CACNA1C: variants seen among roughly 807,000 people sequenced by gnomAD.
CACNA1C encodes voltage-dependent L-type calcium channel subunit alpha-1C.
A neutral mutation model predicts 229.0 loss-of-function variants in CACNA1C; 30 were observed. That is an observed-to-expected ratio of 0.13 (90% CI 0.10 to 0.18). The LOEUF (loss-of-function observed/expected upper bound fraction) is 0.18, where lower values mean the gene tolerates loss of function less well. Ranked by LOEUF, CACNA1C falls within the 10% of genes least tolerant of loss-of-function variation. CACNA1C has a pLI of 1.00. For synonymous variants in CACNA1C, 1,114 were observed against 1,132.5 expected (o/e 0.98, Z 0.33); for missense variants, 1,658 against 2,845.0 (o/e 0.58, Z 9.49).
chr12:2,444,675 G>A (rs953737924), intron 3 of CACNA1C, among the ~76,000 whole-genome samples: 2 of 152,124 alleles, frequency 1.3e-5, no homozygotes, highest in Admixed American at 6.5e-5. Flanking sequence ...GTCCCCTGCT[G>A]CAGTGAGAGG....
chr12:1,983,930 A>T (rs947364935), intron 1 of CACNA1C, among the ~76,000 whole-genome samples: 2 of 152,006 alleles, frequency 1.3e-5, no homozygotes, highest in African/African-American at 4.8e-5. Context: ...CATACACATT[A>T]ATAATTATTA....
intron 3 of CACNA1C, among the ~76,000 whole-genome samples, chr12:2,379,256 C>T (rs1406152776): frequency 6.6e-6 from 1 of 152,148 alleles, no homozygotes; most frequent in Non-Finnish European, 1.5e-5. Context: ...TGTGCGTGCT[C>T]TGACATGCAG....
At chr12:1,988,692 C>G (rs111504745) in intron 1 of CACNA1C, among the ~76,000 whole-genome samples, 4,159 of 152,220 alleles carry the variant, frequency 0.027, 93 homozygotes, top group Middle Eastern at 0.054. Flanking sequence ...ACTCTGCCAT[C>G]GTTTACCCAA....
At chr12:2,428,625 T>C (rs2099054585) in intron 3 of CACNA1C, among the ~76,000 whole-genome samples, 1 of 152,208 alleles carries the variant, frequency 6.6e-6, no homozygotes, top group Non-Finnish European at 1.5e-5. Flanking sequence ...GGGCCAGGCA[T>C]GTATCTCCCT....
intron 3 of CACNA1C, among the ~76,000 whole-genome samples, chr12:2,188,949 C>T (rs559520565): frequency 3.9e-5 from 6 of 152,014 alleles, no homozygotes; most frequent in East Asian, 1.9e-4. Flanking sequence ...AAAAATTAGC[C>T]GGCCGTGGTG....
At chr12:2,457,418 C>A in intron 4 of CACNA1C, 149 bp from the exon 5 acceptor site, 1 of 716,468 alleles carries the variant, frequency 1.4e-6, no homozygotes, top group Non-Finnish European at 2.2e-6. Context: ...TACAACCACC[C>A]ACAGACTCCA....
At chr12:2,453,171 C>A (rs112108975) in intron 4 of CACNA1C, among the ~76,000 whole-genome samples, 1 of 152,142 alleles carries the variant, frequency 6.6e-6, no homozygotes, top group Admixed American at 6.5e-5. Flanking sequence ...GGAGCCAGAA[C>A]GCCAGTCACG....
intron 12 of CACNA1C, among the ~76,000 whole-genome samples, chr12:2,567,079 C>T (rs911954044): frequency 6.6e-6 from 1 of 152,190 alleles, no homozygotes; most frequent in Admixed American, 6.5e-5. Flanking sequence ...AGACGAGGGT[C>T]CCACTAGCCA....
intron 1 of CACNA1C, among the ~76,000 whole-genome samples, chr12:2,019,579 G>GAA (rs139954072): frequency 0.23 from 32,768 of 143,810 alleles, 4,084 homozygotes; most frequent in African/African-American, 0.35. Context: ...AGAAAAGAAA[G>GAA]AGAGAGAGAA....
In CACNA1C at chr12:2,576,927, C is replaced by T. The variant is rs2058620367; in HGVS notation, c.1896-4663C>T. Among the ~76,000 whole-genome samples, 3 of 152,338 alleles carry T rather than the reference C, an allele frequency of 2.0e-5. No individual in the cohort carries two copies. The South Asian group carries it at 6.2e-4, about 32-fold the overall frequency. On this transcript the variant is annotated intron_variant, in intron 13 of 46. Coordinates refer to ENST00000399655, the MANE Select transcript of CACNA1C (RefSeq NM_000719.7). ...AGCATTCTTTGCCACATCATCATTTCAGCAATTCCTTTGTCTCATCTTCTA... is the reference window on the plus strand; with the variant it reads ...AGCATTCTTTGCCACATCATCATTTTAGCAATTCCTTTGTCTCATCTTCTA...
intron 43 of CACNA1C, 30 bp downstream of exon 43, chr12:2,682,708 A>C: frequency 6.3e-7 from 1 of 1,597,548 alleles, no homozygotes; most frequent in Non-Finnish European, 8.5e-7. Context: ...GCTGAGGCTG[A>C]CCCAAGTGTG....
chr12:2,258,238 C>T (rs776001108), intron 3 of CACNA1C, among the ~76,000 whole-genome samples: 1 of 152,180 alleles, frequency 6.6e-6, no homozygotes, highest in African/African-American at 2.4e-5. Flanking sequence ...CGCTTGTTTC[C>T]GCCTCTCAAT....
intron 37 of CACNA1C, among the ~76,000 whole-genome samples, chr12:2,667,887 C>T (rs536447373): frequency 1.3e-5 from 2 of 152,158 alleles, no homozygotes; most frequent in Non-Finnish European, 2.9e-5. Flanking sequence ...TTGGCATGGA[C>T]GCTGTGGTGA....
chr12:2,038,902 A>T (rs924131409), intron 1 of CACNA1C, among the ~76,000 whole-genome samples: 2 of 151,832 alleles, frequency 1.3e-5, no homozygotes, highest in African/African-American at 2.4e-5. Context: ...AAATCCCTTA[A>T]CATAAATTTT....
At chr12:2,682,082 C>G (rs1569240206) in intron 42 of CACNA1C, 1 of 1,276,954 alleles carries the variant, frequency 7.8e-7, no homozygotes, top group Non-Finnish European at 1.1e-6. Context: ...TGCCTTTACC[C>G]CAGGGTGCCA....
chr12:2,337,981 T>C (rs1020428209), intron 3 of CACNA1C, among the ~76,000 whole-genome samples: 1 of 152,178 alleles, frequency 6.6e-6, no homozygotes, highest in Non-Finnish European at 1.5e-5. Flanking sequence ...CTTTCTCTGC[T>C]TCAGCACCTG....
At chr12:2,641,582 GC>G in intron 30 of CACNA1C, 4 of 608,728 alleles carry the variant, frequency 6.6e-6, no homozygotes, top group Non-Finnish European at 8.9e-6. Flanking sequence ...TTCGGCAACA[GC>G]CCCCACCCCC....
At chr12:2,149,243 G>A (rs950763528) in intron 3 of CACNA1C, among the ~76,000 whole-genome samples, 2 of 152,192 alleles carry the variant, frequency 1.3e-5, no homozygotes, top group Admixed American at 1.3e-4. Flanking sequence ...CTGTGGAAAT[G>A]CTCAGATGAG....
rs563864537 is a variant in CACNA1C, at chr12:2,577,980, T to C, written c.1896-3610T>C. On this transcript the variant is annotated intron_variant, in intron 13 of 46. Coordinates refer to ENST00000399655, the MANE Select transcript of CACNA1C (RefSeq NM_000719.7). ...GCCTCCCGGGTTCACGCCATTCTCC[T>C]GCCTCAGCCTCCCGAGTAGCTGGGA... 4.4e-3 allele frequency among the ~76,000 whole-genome samples: 660 copies of C among 151,492 alleles called. 1 individual carries two copies. Among genetic ancestry groups the C allele is most frequent in the Non-Finnish European group, 6.9e-3 (470 of 67,840 alleles).
Sources: gnomAD v4.1 joint callset for allele counts (sites outside exome capture counted in the v4.1 genomes callset) on GRCh38, gnomAD v4.1.1 for gene constraint, MANE v1.5 for transcripts, NCBI Gene and HGNC (gene_info 2026-07-23, HGNC 2026-07-21) for gene names.